Variants in VPS53 observed in about 807,000 individuals in gnomAD.
VPS53 encodes vacuolar protein sorting-associated protein 53 homolog.
VPS53 carries 70 observed loss-of-function variants against 107.0 expected under a neutral mutation model. The ratio of observed to expected loss-of-function variants is 0.65; its 90% CI spans 0.54 to 0.80. The LOEUF (loss-of-function observed/expected upper bound fraction) is 0.80, where lower values mean the gene tolerates loss of function less well. Among genes scored for constraint, VPS53 ranks in the 30% least tolerant of loss-of-function variants. The pLI, the probability that VPS53 is intolerant of heterozygous loss-of-function variation, is 0.00. For synonymous variants in VPS53, 409 were observed against 393.3 expected, an observed-to-expected ratio of 1.04 and a Z score of -0.47; for missense variants, 917 against 1,049.4, an observed-to-expected ratio of 0.87 and a Z score of 1.74.
At chr17:643,130 G>T (rs1299489690) in intron 7 of VPS53, among the ~76,000 whole-genome samples, 1 of 90,992 alleles carries the variant, frequency 1.1e-5, no homozygotes, top group South Asian at 4.4e-4. Context: ...CACTTGGAAA[G>T]CGAGGACAAC....
intron 4 of VPS53, among the ~76,000 whole-genome samples, chr17:677,102 C>T (rs1298925971): frequency 6.6e-6 from 1 of 152,130 alleles, no homozygotes; most frequent in Non-Finnish European, 1.5e-5. Flanking sequence ...CTCCTAGGTA[C>T]ACAGCATAAG....
chr17:542,968 ACT>A (rs1405034891), intron 17 of VPS53, among the ~76,000 whole-genome samples: 1 of 142,602 alleles, frequency 7.0e-6, no homozygotes, highest in African/African-American at 2.8e-5. Context: ...ATAGAGCGAG[ACT>A]CTGTCAAAAA....
At chr17:596,971 C>G (rs570881742) in intron 12 of VPS53, among the ~76,000 whole-genome samples, 1 of 152,316 alleles carries the variant, frequency 6.6e-6, no homozygotes, top group Non-Finnish European at 1.5e-5. Context: ...CCAATGTAAA[C>G]AGATTAAATC....
chr17:593,904 C>T (rs563352626), intron 12 of VPS53, among the ~76,000 whole-genome samples: 143 of 152,284 alleles, frequency 9.4e-4, no homozygotes, highest in Admixed American at 2.5e-3. Context: ...GACTTGGAAC[C>T]AACCCAAATG....
At chr17:523,807 G>C (rs375801806) in intron 19 of VPS53, among the ~76,000 whole-genome samples, 1 of 152,168 alleles carries the variant, frequency 6.6e-6, no homozygotes, top group East Asian at 1.9e-4. Context: ...AAAAGGCCAA[G>C]GGCTCAGAGA....
At chr17:627,544 G>A (rs932734649) in intron 9 of VPS53, among the ~76,000 whole-genome samples, 2 of 152,158 alleles carry the variant, frequency 1.3e-5, no homozygotes, top group Admixed American at 1.3e-4. Context: ...TTGGGAGGCC[G>A]AGGTCAGCAG....
chr17:543,253 T>C (rs12941141), intron 17 of VPS53, among the ~76,000 whole-genome samples: 7,112 of 152,298 alleles, frequency 0.047, 216 homozygotes, highest in Middle Eastern at 0.071. Flanking sequence ...GAAACAGATC[T>C]GCATTTTAAT....
Position 562,761 on chromosome 17 carries a change from A to G in VPS53, c.1314-16T>C. ...TCCGAGGTTCCTAGGAGGAAAAAAA[A>G]AAACCAAAAATGTTATTTTACTTCA... is the stretch of plus-strand genomic sequence containing the variant. On this transcript the variant is annotated splice_polypyrimidine_tract_variant and intron_variant, in intron 13 of 21. Coordinates refer to ENST00000437048, the MANE Select transcript of VPS53 (RefSeq NM_001128159.3). The G allele has an allele frequency of 6.3e-7, 1 of 1,587,420 alleles. No individual in the cohort carries two copies. The highest frequency in any genetic ancestry group is 2.2e-5 in the East Asian group (1 of 44,588).
chr17:551,656 T>C (rs1204142682), intron 17 of VPS53: 1 of 340,486 alleles, frequency 2.9e-6, no homozygotes, highest in Non-Finnish European at 5.4e-6. Flanking sequence ...CATCCTCCAA[T>C]ACTGTGATGC....
At chr17:629,495 C>T (rs76489747) in intron 8 of VPS53, among the ~76,000 whole-genome samples, 6 of 152,236 alleles carry the variant, frequency 3.9e-5, no homozygotes, top group East Asian at 3.9e-4. Context: ...CGGTGGCTCA[C>T]GCCTGTAATC....
In VPS53 at chr17:632,411, T is replaced by C. The variant is rs79204500; in HGVS notation, c.609-783A>G. On this transcript the variant is annotated intron_variant, in intron 7 of 21. Transcript: ENST00000437048. Reference sequence around the variant, plus strand: ...TATATAATCATTATATATATATTTATGGGGTACCTGTGAAGTCTTGATACA... The same window carrying C: ...TATATAATCATTATATATATATTTACGGGGTACCTGTGAAGTCTTGATACA... Among the ~76,000 whole-genome samples the C allele has an allele frequency of 2.6e-3, 399 of 152,276 alleles. 3 individuals carry two copies. Among genetic ancestry groups the C allele is most frequent in the African/African-American group, 9.3e-3 (386 of 41,554 alleles).
chr17:652,217 A>G (rs1970980998), intron 7 of VPS53, among the ~76,000 whole-genome samples: 1 of 151,372 alleles, frequency 6.6e-6, no homozygotes, highest in South Asian at 2.1e-4. Context: ...CTGGCCTCGA[A>G]CTCCTGACCT....
intron 19 of VPS53, among the ~76,000 whole-genome samples, chr17:525,421 G>C (rs923937850): frequency 6.6e-6 from 1 of 152,156 alleles, no homozygotes; most frequent in African/African-American, 2.4e-5. Flanking sequence ...GGGTGTGGCA[G>C]CTCATGCCTG....
At chr17:573,117 T>C (rs780601969) in intron 13 of VPS53, among the ~76,000 whole-genome samples, 33 of 152,256 alleles carry the variant, frequency 2.2e-4, no homozygotes, top group Admixed American at 6.5e-5. Flanking sequence ...AGTTCTAGTC[T>C]AACAAAAGTT....
chr17:551,332 C>G (rs149475349), intron 17 of VPS53, among the ~76,000 whole-genome samples: 93 of 152,230 alleles, frequency 6.1e-4, no homozygotes, highest in South Asian at 3.9e-3. Flanking sequence ...TTGGGGAGGA[C>G]TCGGTGGGAA....
At position 532,701 on chromosome 17, in the gene VPS53, T is replaced by A. The variant is rs375745504; in HGVS notation, c.2085+141A>T. On this transcript the variant is annotated intron_variant, in intron 19 of 21. Coordinates refer to ENST00000437048, the MANE Select transcript of VPS53 (RefSeq NM_001128159.3). ...AAATGGAAGAACGAATTAAGAAACC[T>A]TCCGGGTGAGTCATTATACTGTCCC... 132 of 1,433,548 alleles carry A rather than the reference T, an allele frequency of 9.2e-5. No individual in the cohort carries two copies. The East Asian group carries it at 1.3e-3, about 14-fold the overall frequency. The allele number at this position is 1,433,548 out of a possible 1,614,324, so 88.8% of individuals were successfully genotyped here. A position where few individuals can be genotyped will look rare whatever the true frequency, so the allele number is the denominator to read the frequency against.
intron 13 of VPS53, among the ~76,000 whole-genome samples, chr17:577,229 C>A (rs34448281): frequency 0.15 from 22,214 of 150,174 alleles, 1,913 homozygotes; most frequent in South Asian, 0.23. Context: ...TCCCTCAGAA[C>A]CTAATCTTTC....
rs938316925 is a variant in VPS53, at chr17:524,349, G to C, written c.2086-2611C>G. On this transcript the variant is annotated intron_variant, in intron 19 of 21. Coordinates refer to ENST00000437048, the MANE Select transcript of VPS53 (RefSeq NM_001128159.3). This position sits in a 1 kb window ranked among gnomAD's most constrained non-coding sequence, Gnocchi z 4.5. ...ACAGAGATTATTTTCATTGCTTATG[G>C]GTGGAGAAGAATGTCAAACATCAGA... 1.3e-5 allele frequency among the ~76,000 whole-genome samples: 2 copies of C among 152,142 alleles called. No individual in the cohort carries two copies. Among genetic ancestry groups the C allele is most frequent in the African/African-American group, 4.8e-5 (2 of 41,430 alleles).
At chr17:708,466 C>A (rs923609488) in intron 2 of VPS53, among the ~76,000 whole-genome samples, 2 of 152,172 alleles carry the variant, frequency 1.3e-5, no homozygotes, top group African/African-American at 4.8e-5. Context: ...AAGGAGGAGC[C>A]AGGTGTACAG....
Sources: allele counts gnomAD v4.1 joint callset (sites outside exome capture counted in the v4.1 genomes callset), GRCh38; gene constraint gnomAD v4.1.1; non-coding constraint Gnocchi (gnomAD v3.1); transcripts MANE v1.5; gene names NCBI Gene and HGNC (gene_info 2026-07-23, HGNC 2026-07-21).